Variants in EPS15L1 observed in about 807,000 individuals in gnomAD.
EPS15L1 encodes epidermal growth factor receptor pathway substrate 15 like 1, also known as epidermal growth factor receptor substrate 15-like 1.
EPS15L1 carries 43 observed loss-of-function variants against 117.1 expected under a neutral mutation model. The observed-to-expected ratio is 0.37, with a 90% CI of 0.29 to 0.47. The LOEUF (loss-of-function observed/expected upper bound fraction) is 0.47. Ranked by LOEUF, EPS15L1 falls within the 20% of genes least tolerant of loss-of-function variation. EPS15L1 has a pLI of 0.99. For synonymous variants in EPS15L1, 459 were observed against 470.5 expected, an observed-to-expected ratio of 0.98 and a Z score of 0.32; for missense variants, 981 against 1,164.0, an observed-to-expected ratio of 0.84 and a Z score of 2.29.
At chr19:16,384,542 G>A (rs1366600161) in intron 21 of EPS15L1, among the ~76,000 whole-genome samples, 1 of 152,188 alleles carries the variant, frequency 6.6e-6, no homozygotes, top group African/African-American at 2.4e-5. Context: ...CCCTACAGCT[G>A]TCTGGGACCA....
rs75299160 is a variant in EPS15L1, at chr19:16,365,276, G to A, written c.2381-3292C>T. On this transcript the variant is annotated intron_variant, in intron 22 of 23. Coordinates refer to ENST00000455140, the MANE Select transcript of EPS15L1 (RefSeq NM_001258374.3). This position sits in a 1 kb window ranked among gnomAD's most constrained non-coding sequence, Gnocchi z 4.9. ...GTGTCCCCCCAACAATTGTTCATAC[G>A]TTCAAGTCCTAACCCCTGTGCCTTA... 9.9e-5 allele frequency among the ~76,000 whole-genome samples: 15 copies of A among 152,264 alleles called. No homozygotes were observed. The highest frequency in any genetic ancestry group is 3.4e-4 in the African/African-American group (14 of 41,544).
At position 16,355,768 on chromosome 19, in the gene EPS15L1, C is replaced by A; in HGVS notation, c.2670G>T (p.Arg890=). The A allele has an allele frequency of 6.5e-7, 1 of 1,536,098 alleles. No homozygotes were observed. The highest frequency in any genetic ancestry group is 8.7e-7 in the Non-Finnish European group (1 of 1,146,848). The part of the protein sequence containing the change: ...AEQERLARLR[R]QEQEDLELAI... ...CCAGTTCCAGGTCCTCCTGCTCCTG[C>A]CGCCGCAGCCGCGCCAGCCTCTCCT... is the stretch of plus-strand genomic sequence containing the variant. Residue 890 remains arginine (R), a synonymous_variant, in exon 24 of 24, where the codon CGG becomes CGT. Coordinates refer to ENST00000455140, the MANE Select transcript of EPS15L1 (RefSeq NM_001258374.3).
intron 6 of EPS15L1, chr19:16,435,019 C>T (rs894666875): frequency 6.6e-6 from 1 of 151,548 alleles, no homozygotes; most frequent in African/African-American, 2.4e-5. Context: ...TCTCAGCTCA[C>T]TGCAACTTCC....
chr19:16,401,952 T>C, intron 16 of EPS15L1: 1 of 1,030,822 alleles, frequency 9.7e-7, no homozygotes, highest in African/African-American at 1.7e-5. Context: ...GCCCCCTGAT[T>C]AGTAGAATGT....
At chr19:16,456,720 G>A (rs770403995) in intron 1 of EPS15L1, among the ~76,000 whole-genome samples, 4 of 152,038 alleles carry the variant, frequency 2.6e-5, no homozygotes, top group African/African-American at 4.8e-5. Context: ...AAGGGCAGGC[G>A]GGACAAAGTC....
In EPS15L1 at chr19:16,425,225, G is replaced by C. The variant is rs1220039571; in HGVS notation, c.650C>G (p.Thr217Ser). ...GACGGGGACGGCGCCAGGGAACACAGTCTTCTTTCTCTTGGAGGGTGGGAT... is the reference window on the plus strand; with the variant it reads ...GACGGGGACGGCGCCAGGGAACACACTCTTCTTTCTCTTGGAGGGTGGGAT... ...SLIPPSKRKK[T>S]VFPGAVPVLP... is the part of the protein sequence containing the mutation. The change falls in exon 9 of 24, where the codon ACT becomes AGT. Residue 217 changes from threonine to serine, a missense_variant. Around this residue, in one of 5 missense-constraint regions of EPS15L1, gnomAD observed 819 missense variants for 949.0 expected, o/e 0.86. Transcript: ENST00000455140. 4 of 1,473,010 alleles carry C rather than the reference G, an allele frequency of 2.7e-6. No individual in the cohort carries two copies. In the East Asian group the frequency reaches 1.1e-4, roughly 40 times the overall value. 91.2% of individuals were successfully genotyped at this position (1,473,010 alleles called of 1,614,324 possible).
intron 21 of EPS15L1, among the ~76,000 whole-genome samples, chr19:16,384,819 C>T (rs1472073611): frequency 6.6e-6 from 1 of 152,218 alleles, no homozygotes; most frequent in Non-Finnish European, 1.5e-5. Context: ...GACGCCTGTG[C>T]CCAACGCCTT....
intron 1 of EPS15L1, among the ~76,000 whole-genome samples, chr19:16,468,993 C>T (rs2093326420): frequency 6.6e-6 from 1 of 152,156 alleles, no homozygotes; most frequent in African/African-American, 2.4e-5. Context: ...GCACTCCAGC[C>T]TGGGGGACAG....
At chr19:16,421,840 G>A (rs531152797) in intron 9 of EPS15L1, among the ~76,000 whole-genome samples, 10 of 152,234 alleles carry the variant, frequency 6.6e-5, no homozygotes, top group South Asian at 2.1e-4. Flanking sequence ...TGGAAGGACC[G>A]TCCCTGGAGA....
chr19:16,366,393 G>C (rs933088418), intron 22 of EPS15L1, among the ~76,000 whole-genome samples: 1 of 152,008 alleles, frequency 6.6e-6, no homozygotes, highest in Non-Finnish European at 1.5e-5. Context: ...CCTTGGTTTG[G>C]GGGGTTTAAA....
rs546010589 is a variant in EPS15L1, at chr19:16,395,093, G to A, written c.1915+251C>T. Among the ~76,000 whole-genome samples, 16 of 151,870 alleles carry A rather than the reference G, an allele frequency of 1.1e-4. No homozygotes were observed. The East Asian group carries it at 2.9e-3, about 28-fold the overall frequency. On this transcript the variant is annotated intron_variant, in intron 17 of 23. Transcript: ENST00000455140. ...AAATTAGCCGGGTGCGGTGATGGGC[G>A]CTGAGGCAGGAGAATTGCTTGAACC...
At chr19:16,449,726 G>T (rs2093121450) in intron 1 of EPS15L1, among the ~76,000 whole-genome samples, 1 of 152,138 alleles carries the variant, frequency 6.6e-6, no homozygotes, top group Admixed American at 6.6e-5. Flanking sequence ...ATATGTCACT[G>T]CTCCAAACTG....
chr19:16,415,408 G>A (rs962409193), intron 12 of EPS15L1, among the ~76,000 whole-genome samples: 7 of 152,196 alleles, frequency 4.6e-5, no homozygotes, highest in African/African-American at 1.7e-4. Flanking sequence ...AACACCATGT[G>A]TCTAACAGAC....
chr19:16,386,379 TA>T (rs2092421203), intron 19 of EPS15L1, 148 bp from the exon 20 acceptor site: 1 of 675,700 alleles, frequency 1.5e-6, no homozygotes. Flanking sequence ...CCAGGCAGAG[TA>T]AAATCCCAAC....
At chr19:16,419,469 T>TA (rs2092793582) in intron 10 of EPS15L1, among the ~76,000 whole-genome samples, 2 of 149,618 alleles carry the variant, frequency 1.3e-5, no homozygotes, top group East Asian at 4.0e-4. Flanking sequence ...AAAAAAAAAA[T>TA]AAAAAAATGA....
intron 12 of EPS15L1, among the ~76,000 whole-genome samples, chr19:16,415,303 G>A (rs763635120): frequency 2.0e-5 from 3 of 152,162 alleles, no homozygotes; most frequent in African/African-American, 4.8e-5. Context: ...CGAAATGTCT[G>A]ATGTTTCAGT....
chr19:16,451,075 C>T (rs1308917856), intron 1 of EPS15L1, among the ~76,000 whole-genome samples: 1 of 152,030 alleles, frequency 6.6e-6, no homozygotes, highest in Non-Finnish European at 1.5e-5. Flanking sequence ...CTCAGCCTCC[C>T]GAGTAGCTGG....
At chr19:16,387,315 T>C (rs1237346353) in intron 19 of EPS15L1, among the ~76,000 whole-genome samples, 1 of 152,114 alleles carries the variant, frequency 6.6e-6, no homozygotes, top group Non-Finnish European at 1.5e-5. Flanking sequence ...AATACAAAAA[T>C]TGGCCAGGCG....
intron 19 of EPS15L1, among the ~76,000 whole-genome samples, chr19:16,390,107 C>T (rs552914879): frequency 1.3e-5 from 2 of 151,810 alleles, no homozygotes; most frequent in Admixed American, 6.6e-5. Context: ...AAAAAGCAAG[C>T]CCCAACACTA....
Sources: gnomAD v4.1 joint callset for allele counts (sites outside exome capture counted in the v4.1 genomes callset) on GRCh38, gnomAD v4.1.1 for gene constraint, gnomAD v4.1.1 regional missense constraint, Gnocchi (gnomAD v3.1) non-coding constraint, MANE v1.5 for transcripts, NCBI Gene and HGNC (gene_info 2026-07-23, HGNC 2026-07-21) for gene names.